The following TRIM24 variants were observed in gnomAD, a reference collection of about 807,000 sequenced individuals.
TRIM24 encodes the protein tripartite motif containing 24, also known as transcription intermediary factor 1-alpha.
TRIM24 carries 29 observed loss-of-function variants against 123.9 expected under a neutral mutation model. The observed-to-expected ratio is 0.23, with a 90% CI of 0.17 to 0.32. The LOEUF is 0.32. Ranked by LOEUF, TRIM24 falls within the 10% of genes least tolerant of loss-of-function variation. The pLI is 1.00. For synonymous variants in TRIM24, 456 were observed against 461.1 expected, an observed-to-expected ratio of 0.99 and a Z score of 0.14; for missense variants, 932 against 1,295.3, an observed-to-expected ratio of 0.72 and a Z score of 4.31.
chr7:138,515,120 C>G lies in TRIM24; in HGVS notation c.484-92C>G, dbSNP rs148496279. On this transcript the variant is annotated intron_variant, in intron 2 of 18. Transcript: ENST00000343526. ...CCATTAGGAGGCTAACTGATTTAGC[C>G]TGGTACAATTGGTGTATCATGTACG... 9.9e-6 allele frequency: 13 copies of G among 1,315,480 alleles called. No individual in the cohort carries two copies. The African/African-American group carries it at 1.4e-4, about 15-fold the overall frequency. The allele number at this position is 1,315,480 out of a possible 1,614,324, so 81.5% of individuals were successfully genotyped here. A position where few individuals can be genotyped will look rare whatever the true frequency, so the allele number is the denominator to read the frequency against.
chr7:138,571,076 TC>T, intron 11 of TRIM24, 73 bp downstream of exon 11: 2 of 1,478,776 alleles, frequency 1.4e-6, no homozygotes, highest in Non-Finnish European at 1.9e-6. Context: ...ACTCCTGTAA[TC>T]CCAGCACTTT....
intron 1 of TRIM24, among the ~76,000 whole-genome samples, chr7:138,465,620 A>G (rs1442010966): frequency 6.6e-6 from 1 of 152,212 alleles, no homozygotes; most frequent in Non-Finnish European, 1.5e-5. Flanking sequence ...AAGATACGTA[A>G]CTATTCTGGG....
At chr7:138,463,088 C>G (rs1185094570) in intron 1 of TRIM24, among the ~76,000 whole-genome samples, 1 of 127,940 alleles carries the variant, frequency 7.8e-6, no homozygotes, top group Non-Finnish European at 1.6e-5. Flanking sequence ...CGGGGTTACT[C>G]CATGTTGGTC....
chr7:138,506,441 A>T (rs559391799), intron 2 of TRIM24, among the ~76,000 whole-genome samples: 1 of 152,360 alleles, frequency 6.6e-6, no homozygotes, highest in South Asian at 2.1e-4. Context: ...TTCATTAGTC[A>T]TATTCATAGT....
intron 6 of TRIM24, among the ~76,000 whole-genome samples, chr7:138,529,449 T>C (rs1430178982): frequency 1.3e-5 from 2 of 152,214 alleles, no homozygotes; most frequent in African/African-American, 4.8e-5. Context: ...GTTTTCTTTA[T>C]AGCACAAATT....
intron 12 of TRIM24, among the ~76,000 whole-genome samples, chr7:138,576,002 T>TAACA (rs1797750568): frequency 6.6e-6 from 1 of 152,190 alleles, no homozygotes; most frequent in Admixed American, 6.5e-5. Flanking sequence ...CCTGTTACTC[T>TAACA]AACACAGAAA....
In TRIM24 at chr7:138,580,595, AT is replaced by A; in HGVS notation, c.2620del (p.Ser874LeufsTer27). ...GGATTTGCACTTTCTGCCGAGACTTATCTAAACCAGAAGTTGAATATGATTG... is the reference window on the plus strand; with the variant it reads ...GGATTTGCACTTTCTGCCGAGACTTACTAAACCAGAAGTTGAATATGATTG... ...EWICTFCRDL[S>X]KPEVEYDCDA... On this transcript the variant is annotated frameshift_variant, in exon 16 of 19. Transcript: ENST00000343526. LOFTEE classifies it high-confidence loss of function. 6.2e-7 allele frequency: 1 copy of A among 1,613,742 alleles called. No individual in the cohort carries two copies. Among genetic ancestry groups the A allele is most frequent in the Non-Finnish European group, 8.5e-7 (1 of 1,179,818 alleles).
chr7:138,523,263 G>T (rs1000268314), intron 4 of TRIM24, among the ~76,000 whole-genome samples: 1 of 152,092 alleles, frequency 6.6e-6, no homozygotes, highest in African/African-American at 2.4e-5. Flanking sequence ...AAGATAAAAA[G>T]GATATCTGTC....
chr7:138,461,405 A>G (rs745528702), intron 1 of TRIM24: 66 of 392,134 alleles, frequency 1.7e-4, no homozygotes, highest in Non-Finnish European at 2.7e-4. Flanking sequence ...TTGATGATTG[A>G]TTGCAGATCG....
rs1289870568 is a variant in TRIM24 at position 138,587,453 on chromosome 7, A to G, written c.*2502A>G. ...TTTATTAATAAGTACCTGTGTGCCC[A>G]GGTGGATCTCAGCTAAGTCATCCTT... On this transcript the variant is annotated 3_prime_UTR_variant, in exon 19 of 19. Transcript: ENST00000343526. 1 of 152,242 alleles carries G rather than the reference A, an allele frequency of 6.6e-6. No homozygotes were observed. Among genetic ancestry groups the G allele is most frequent in the East Asian group, 1.9e-4 (1 of 5,204 alleles). The allele number at this position is 152,242 out of a possible 1,614,324, so 9.4% of individuals were successfully genotyped here.
At chr7:138,510,274 G>C (rs1796257857) in intron 2 of TRIM24, among the ~76,000 whole-genome samples, 1 of 152,182 alleles carries the variant, frequency 6.6e-6, no homozygotes. Context: ...CAGAATAAGA[G>C]TTTATACTAG....
intron 8 of TRIM24, among the ~76,000 whole-genome samples, chr7:138,553,193 A>G (rs1023353850): frequency 1.3e-5 from 2 of 152,220 alleles, no homozygotes; most frequent in Non-Finnish European, 2.9e-5. Context: ...AAATTCATAT[A>G]CAATGAGATT....
chr7:138,539,324 G>A (rs1298919250), intron 7 of TRIM24, among the ~76,000 whole-genome samples: 1 of 152,102 alleles, frequency 6.6e-6, no homozygotes, highest in Non-Finnish European at 1.5e-5. Flanking sequence ...AATCTGTAGT[G>A]CTGGATATTT....
At chr7:138,581,801 T>C (rs1235566879) in intron 17 of TRIM24, 30 bp downstream of exon 17, 2 of 1,545,158 alleles carry the variant, frequency 1.3e-6, no homozygotes, top group Admixed American at 3.6e-5. Flanking sequence ...TCTGCATGTT[T>C]ACACAGTGGA....
chr7:138,461,190 T>C (rs558159109), intron 1 of TRIM24: 67 of 688,658 alleles, frequency 9.7e-5, no homozygotes, highest in African/African-American at 9.3e-4. Flanking sequence ...CCCCTGCCAC[T>C]CGCACTTTTG....
rs1182276337 is a variant in TRIM24, at chr7:138,508,700, C to CGCGCGT, written c.483+4293_483+4294insCGCGTG. Among the ~76,000 whole-genome samples, 125 of 35,558 alleles carry CGCGCGT rather than the reference C, an allele frequency of 3.5e-3. 1 individual carries two copies. Among genetic ancestry groups the CGCGCGT allele is most frequent in the South Asian group, 0.018 (19 of 1,054 alleles). The allele number at this position is 35,558 out of a possible 152,430, so 23.3% of individuals were successfully genotyped here. A position where few individuals can be genotyped will look rare whatever the true frequency, so the allele number is the denominator to read the frequency against. ...GTGTGTGTGTGTGTGTGTGCGCGCG[C>CGCGCGT]GTGTGTGCGTGTGTGTGTGCGTGTG... is the stretch of plus-strand genomic sequence containing the variant. On this transcript the variant is annotated intron_variant, in intron 2 of 18. Transcript: ENST00000343526.
intron 5 of TRIM24, among the ~76,000 whole-genome samples, chr7:138,528,786 C>G (rs1439490061): frequency 2.2e-4 from 20 of 91,204 alleles, no homozygotes; most frequent in East Asian, 3.8e-4. Context: ...CACCCCCACC[C>G]CCCCCCCCAT....
chr7:138,462,018 C>A (rs111285294), intron 1 of TRIM24, among the ~76,000 whole-genome samples: 49 of 152,170 alleles, frequency 3.2e-4, no homozygotes, highest in African/African-American at 1.1e-3. Context: ...TTCACTCTTG[C>A]CAGCACCCTT....
chr7:138,550,054 G>GA (rs1214542656), intron 7 of TRIM24, among the ~76,000 whole-genome samples: 1 of 152,160 alleles, frequency 6.6e-6, no homozygotes, highest in Non-Finnish European at 1.5e-5. Context: ...AAAGAAAAAA[G>GA]AAAGTAGGAA....
Sources: allele counts gnomAD v4.1 joint callset (sites outside exome capture counted in the v4.1 genomes callset), GRCh38; gene constraint gnomAD v4.1.1; transcripts MANE v1.5; gene names NCBI Gene and HGNC (gene_info 2026-07-23, HGNC 2026-07-21).